ZNF585B: variants seen among roughly 807,000 people sequenced by gnomAD.
The protein encoded by ZNF585B is zinc finger protein 41-like protein.
ZNF585B carries 7 observed loss-of-function variants against 14.0 expected under a neutral mutation model. That is an observed-to-expected ratio of 0.50 (90% confidence interval 0.28 to 0.94). ZNF585B has a LOEUF of 0.94. ZNF585B is among the 40% of genes least tolerant of loss of function. The pLI is 0.09. For missense variants in ZNF585B, 750 were observed against 924.4 expected (o/e 0.81, Z 2.45); for synonymous variants, 290 against 317.3 (o/e 0.91, Z 0.91).
chr19:37,190,267 A>G, intron 2 of ZNF585B, 117 bp from the exon 3 acceptor site: 1 of 1,434,542 alleles, frequency 7.0e-7, no homozygotes, highest in South Asian at 1.4e-5. Context: ...TTTTTTTTTG[A>G]GACAGTCTTG....
intron 1 of ZNF585B, among the ~76,000 whole-genome samples, chr19:37,209,723 C>CTTTTTTTTTTTTTT (rs755649009): frequency 1.7e-5 from 2 of 118,000 alleles, no homozygotes; most frequent in Non-Finnish European, 1.7e-5. Flanking sequence ...AAGTGCACTT[C>CTTTTTTTTTTTTTT]TTTTTTTTTT....
chr19:37,205,979 C>T (rs573513110), intron 2 of ZNF585B, among the ~76,000 whole-genome samples: 2 of 152,140 alleles, frequency 1.3e-5, no homozygotes, highest in East Asian at 3.9e-4. Flanking sequence ...ACTCAGGAGG[C>T]TGGGGCAGGA....
intron 2 of ZNF585B, among the ~76,000 whole-genome samples, chr19:37,194,991 T>A (rs1206161198): frequency 3.3e-5 from 5 of 151,958 alleles, no homozygotes; most frequent in Non-Finnish European, 7.4e-5. Flanking sequence ...ATTTGGAAAT[T>A]AATAACCCAC....
chr19:37,196,702 T>C (rs1972468383), intron 2 of ZNF585B, among the ~76,000 whole-genome samples: 1 of 152,208 alleles, frequency 6.6e-6, no homozygotes, highest in South Asian at 2.1e-4. Context: ...TTCCACTTAA[T>C]AAATAATAAA....
chr19:37,203,052 C>T (rs1423699358), intron 2 of ZNF585B, among the ~76,000 whole-genome samples: 2 of 152,152 alleles, frequency 1.3e-5, no homozygotes, highest in Non-Finnish European at 2.9e-5. Context: ...TATCTTCACT[C>T]TTTTTTCTTG....
intron 2 of ZNF585B, among the ~76,000 whole-genome samples, chr19:37,205,877 C>T (rs1398282761): frequency 6.6e-6 from 1 of 151,406 alleles, no homozygotes; most frequent in Non-Finnish European, 1.5e-5. Context: ...GTCAGGAGTT[C>T]GAGACCAGCG....
intron 4 of ZNF585B, 78 bp downstream of exon 4, chr19:37,189,583 T>G: frequency 2.0e-6 from 3 of 1,535,316 alleles, no homozygotes; most frequent in Non-Finnish European, 2.7e-6. Flanking sequence ...CTTCACAGGT[T>G]CCAGTGTTTT....
At chr19:37,195,532 G>C (rs1199887436) in intron 2 of ZNF585B, among the ~76,000 whole-genome samples, 1 of 151,350 alleles carries the variant, frequency 6.6e-6, no homozygotes, top group East Asian at 1.9e-4. Flanking sequence ...GAATAAAACA[G>C]GAAATATCAT....
intron 2 of ZNF585B, chr19:37,199,465 C>G: frequency 4.4e-6 from 2 of 453,928 alleles, no homozygotes; most frequent in Non-Finnish European, 8.9e-6. Flanking sequence ...GTCCAGGCTA[C>G]AGTGAGCCGT....
intron 1 of ZNF585B, among the ~76,000 whole-genome samples, chr19:37,209,873 G>A (rs866054643): frequency 3.3e-5 from 5 of 151,564 alleles, no homozygotes; most frequent in Non-Finnish European, 7.4e-5. Flanking sequence ...CCGCCACCAC[G>A]CCCGGCTAAT....
At chr19:37,191,386 G>A (rs1249871800) in intron 2 of ZNF585B, among the ~76,000 whole-genome samples, 3 of 152,112 alleles carry the variant, frequency 2.0e-5, no homozygotes, top group African/African-American at 2.4e-5. Flanking sequence ...GGGAGGCCAA[G>A]GTAGGTAGAT....
intron 2 of ZNF585B, among the ~76,000 whole-genome samples, chr19:37,200,946 C>T (rs1972524454): frequency 6.6e-6 from 1 of 151,820 alleles, no homozygotes; most frequent in South Asian, 2.1e-4. Flanking sequence ...CAAAAATTAG[C>T]CGGGCATGGT....
intron 2 of ZNF585B, among the ~76,000 whole-genome samples, chr19:37,192,379 T>C (rs181626858): frequency 2.6e-5 from 4 of 151,564 alleles, no homozygotes; most frequent in South Asian, 2.1e-4. Flanking sequence ...AGAAGAGTAA[T>C]ACAAAGTATG....
chr19:37,208,709 G>T (rs900470213), intron 1 of ZNF585B, among the ~76,000 whole-genome samples: 1 of 152,000 alleles, frequency 6.6e-6, no homozygotes, highest in Non-Finnish European at 1.5e-5. Flanking sequence ...AGAACAATTA[G>T]AGAGAAATTT....
chr19:37,186,527 T>C lies in ZNF585B; in HGVS notation c.1010A>G (p.Asn337Ser), dbSNP rs1972335694. The change falls in exon 5 of 5, where the codon AAT becomes AGT. Residue 337 changes from asparagine (N) to serine (S), a missense_variant. Physicochemically the swap from Asn to Ser is conservative, Grantham distance 46. Around this residue, in one of 2 missense-constraint regions of ZNF585B, gnomAD observed 517 missense variants for 570.3 expected, o/e 0.91. Coordinates refer to ENST00000532828, the MANE Select transcript of ZNF585B (RefSeq NM_152279.4). ...CTCATGTGTAATGAGGTTGGAATTA[T>C]TGCTGAAGACCTTCCCATATTCGGT... is the stretch of plus-strand genomic sequence containing the variant. ...ICTEYGKVFS[N>S]NSNLITHEKI... 4 of 1,614,140 alleles carry C rather than the reference T, an allele frequency of 2.5e-6. No individual in the cohort carries two copies. The highest frequency in any genetic ancestry group is 1.7e-5 in the Admixed American group (1 of 60,008).
intron 2 of ZNF585B, chr19:37,199,393 C>A: frequency 2.5e-6 from 1 of 407,226 alleles, no homozygotes; most frequent in South Asian, 1.8e-5. Context: ...GTTCTATTGG[C>A]GCGTACCTGT....
intron 2 of ZNF585B, among the ~76,000 whole-genome samples, chr19:37,200,735 C>A (rs572152258): frequency 6.6e-6 from 1 of 151,490 alleles, no homozygotes; most frequent in East Asian, 1.9e-4. Context: ...TAGTCTTAAA[C>A]GATAGATATA....
intron 2 of ZNF585B, among the ~76,000 whole-genome samples, chr19:37,197,052 A>C (rs919338153): frequency 6.6e-6 from 1 of 152,176 alleles, no homozygotes; most frequent in African/African-American, 2.4e-5. Context: ...ACATAAGTAC[A>C]TATGTGCCAT....
chr19:37,189,356 G>A (rs570456870), intron 4 of ZNF585B, among the ~76,000 whole-genome samples: 17 of 152,216 alleles, frequency 1.1e-4, no homozygotes, highest in Non-Finnish European at 2.4e-4. Context: ...AGGAATACCT[G>A]GATGTAAACG....
Sources: gnomAD v4.1 joint callset for allele counts (sites outside exome capture counted in the v4.1 genomes callset) on GRCh38, gnomAD v4.1.1 for gene constraint, gnomAD v4.1.1 regional missense constraint, MANE v1.5 for transcripts, NCBI Gene and HGNC (gene_info 2026-07-23, HGNC 2026-07-21) for gene names.